The following DOCK10 variants were observed in gnomAD, a reference collection of about 807,000 sequenced individuals.
DOCK10 encodes the protein dedicator of cytokinesis protein 10.
Under a neutral mutation model 280.1 loss-of-function variants are expected in DOCK10, and 145 were observed. The ratio of observed to expected loss-of-function variants is 0.52; its 90% CI spans 0.45 to 0.59. The LOEUF (loss-of-function observed/expected upper bound fraction) is 0.59. Among genes scored for constraint, DOCK10 ranks in the 20% least tolerant of loss-of-function variants. The probability of loss-of-function intolerance (pLI) is 0.00; values close to 1 mark genes in which losing one functional copy is unlikely to be tolerated. For synonymous variants in DOCK10, 915 were observed against 942.2 expected (o/e 0.97, Z 0.53); for missense variants, 2,368 against 2,651.7 (o/e 0.89, Z 2.35).
chr2:224,996,353 C>A (rs1706271643), intron 1 of DOCK10, among the ~76,000 whole-genome samples: 1 of 152,214 alleles, frequency 6.6e-6, no homozygotes, highest in African/African-American at 2.4e-5. Context: ...TGAATTCAAT[C>A]ACAATGGGTT....
At chr2:224,999,936 A>C (rs910876357) in intron 1 of DOCK10, among the ~76,000 whole-genome samples, 2 of 152,190 alleles carry the variant, frequency 1.3e-5, no homozygotes, top group African/African-American at 4.8e-5. Flanking sequence ...TGTGTGGTGC[A>C]ACAGGATCTC....
intron 1 of DOCK10, among the ~76,000 whole-genome samples, chr2:224,997,291 G>A (rs1182864094): frequency 2.7e-5 from 4 of 149,864 alleles, no homozygotes; most frequent in African/African-American, 9.9e-5. Flanking sequence ...GAGTGCAATG[G>A]CATAATCTTT....
At chr2:224,908,712 G>T (rs903936630) in intron 3 of DOCK10, among the ~76,000 whole-genome samples, 2 of 152,066 alleles carry the variant, frequency 1.3e-5, no homozygotes, top group Non-Finnish European at 2.9e-5. Flanking sequence ...GCCCAAGCTG[G>T]TCTTGAACTC....
chr2:224,879,363 A>T (rs919072653), intron 7 of DOCK10, among the ~76,000 whole-genome samples: 54 of 152,232 alleles, frequency 3.5e-4, no homozygotes, highest in African/African-American at 1.3e-3. Flanking sequence ...ACTGATGGAC[A>T]GTCTAAGGGC....
At chr2:224,898,699 C>A (rs1700127640) in intron 3 of DOCK10, among the ~76,000 whole-genome samples, 1 of 152,202 alleles carries the variant, frequency 6.6e-6, no homozygotes, top group Non-Finnish European at 1.5e-5. Context: ...GCCTCCGCCT[C>A]CGGAGTAGCC....
intron 16 of DOCK10, among the ~76,000 whole-genome samples, chr2:224,854,637 T>C (rs1696983444): frequency 6.6e-6 from 1 of 152,160 alleles, no homozygotes. Flanking sequence ...CTCCGGGGTT[T>C]TGAGGATTAA....
At chr2:224,984,430 T>C (rs1705905312) in intron 1 of DOCK10, among the ~76,000 whole-genome samples, 1 of 152,234 alleles carries the variant, frequency 6.6e-6, no homozygotes, top group African/African-American at 2.4e-5. Context: ...TTCTAGCTAT[T>C]ACAGTCCCGC....
chr2:224,857,955 T>G (rs1232749546), intron 14 of DOCK10, among the ~76,000 whole-genome samples: 1 of 152,170 alleles, frequency 6.6e-6, no homozygotes, highest in Non-Finnish European at 1.5e-5. Flanking sequence ...AGAATGATAT[T>G]TTTAGACTCC....
intron 1 of DOCK10, among the ~76,000 whole-genome samples, chr2:224,959,242 G>A (rs964729847): frequency 5.3e-5 from 8 of 152,050 alleles, no homozygotes; most frequent in African/African-American, 1.9e-4. Flanking sequence ...CAGGAAGCCT[G>A]TATTCAACAT....
chr2:224,955,881 T>G (rs1188599843), intron 1 of DOCK10, among the ~76,000 whole-genome samples: 1 of 152,204 alleles, frequency 6.6e-6, no homozygotes, highest in African/African-American at 2.4e-5. Flanking sequence ...ATTGGATACC[T>G]CTCATAAGGG....
At position 224,977,119 on chromosome 2, in the gene DOCK10, G is replaced by T. The variant is rs182571591; in HGVS notation, c.124-45451C>A. ...CAACTCACCGCAAATTTAGGCTATTGTTAATTTCCTGCCTTAGACGAAAAT... is the reference window on the plus strand; with the variant it reads ...CAACTCACCGCAAATTTAGGCTATTTTTAATTTCCTGCCTTAGACGAAAAT... On this transcript the variant is annotated intron_variant, in intron 1 of 55. Coordinates refer to ENST00000258390, the MANE Select transcript of DOCK10 (RefSeq NM_014689.3). Among the ~76,000 whole-genome samples, 593 of 152,266 alleles carry T rather than the reference G, an allele frequency of 3.9e-3. 10 individuals carry two copies. The highest frequency in any genetic ancestry group is 8.4e-4 in the Non-Finnish European group (57 of 68,016).
intron 39 of DOCK10, among the ~76,000 whole-genome samples, chr2:224,803,407 A>G (rs1450091187): frequency 6.6e-6 from 1 of 152,098 alleles, no homozygotes; most frequent in Non-Finnish European, 1.5e-5. Flanking sequence ...AACCCTTTCT[A>G]AAATATTCAT....
In DOCK10 at chr2:225,018,390, C is replaced by G. The variant is rs571211603; in HGVS notation, c.123+23862G>C. ...CGTGCATCGCATCCTAACTATTGCT[C>G]TCTTCCTAGGACAGAACATTCAGTT... On this transcript the variant is annotated intron_variant, in intron 1 of 55. Transcript: ENST00000258390. 6.6e-4 allele frequency among the ~76,000 whole-genome samples: 99 copies of G among 151,086 alleles called. 3 individuals carry two copies. The South Asian group carries it at 0.012, about 18-fold the overall frequency.
intron 33 of DOCK10, 182 bp downstream of exon 33, chr2:224,807,486 G>A: frequency 2.0e-6 from 1 of 495,174 alleles, no homozygotes; most frequent in Non-Finnish European, 3.6e-6. Context: ...GGGTGGATCA[G>A]GTGGAGGCTA....
At chr2:224,876,846 C>A (rs1361757509) in intron 7 of DOCK10, among the ~76,000 whole-genome samples, 1 of 152,126 alleles carries the variant, frequency 6.6e-6, no homozygotes, top group Non-Finnish European at 1.5e-5. Flanking sequence ...CCTGGCTATG[C>A]CTCAGACTCC....
intron 11 of DOCK10, among the ~76,000 whole-genome samples, chr2:224,871,958 A>G (rs1698314938): frequency 6.6e-6 from 1 of 152,202 alleles, no homozygotes; most frequent in Non-Finnish European, 1.5e-5. Flanking sequence ...GACCTTGCTT[A>G]TCTAGTTACT....
rs925507561 is a variant in DOCK10 at position 224,797,968 on chromosome 2, C to G, written c.4508G>C (p.Arg1503Thr). The G allele has an allele frequency of 1.9e-6, 3 of 1,612,650 alleles. No individual in the cohort carries two copies. Among genetic ancestry groups the G allele is most frequent in the East Asian group, 2.2e-5 (1 of 44,848 alleles). ...LLSLFTQTHQ[R>T]QLQQCDCQNS... is the part of the protein sequence containing the mutation. ...TTGACAGTCACATTGTTGGAGTTGT[C>G]TCTGGAAATTCAATGCAGATGTTAT... The change falls in exon 42 of 56, where the codon AGA (arginine) becomes ACA (threonine). Residue 1503 changes from arginine (R) to threonine (T), a missense_variant and splice_region_variant. Arg to Thr is a moderately conservative substitution (Grantham distance 71). This residue lies in a region of DOCK10 where 1,159 missense variants were observed against 1,400.8 expected (regional missense o/e 0.83). Coordinates refer to ENST00000258390, the MANE Select transcript of DOCK10 (RefSeq NM_014689.3).
In DOCK10 at chr2:224,896,345, C is replaced by T. The variant is rs1334243526; in HGVS notation, c.366G>A (p.Val122=). 10 of 1,604,630 alleles carry T rather than the reference C, an allele frequency of 6.2e-6. No individual in the cohort carries two copies. In the African/African-American group the frequency reaches 1.3e-4, roughly 22 times the overall value. The change falls in exon 4 of 56, where the codon GTG becomes GTA. Residue 122 remains valine (V), a synonymous_variant. Transcript: ENST00000258390. ...AATATTGTTCATATTTGTAGTTTAC[C>T]ACATGCCACTGGGAACTATAAAATT... is the stretch of plus-strand genomic sequence containing the variant. ...ACKFYSSQWH[V]VNYKYEQYSG... is the part of the protein sequence containing the mutation.
chr2:224,874,662 T>C lies in DOCK10; in HGVS notation c.1017+4A>G, dbSNP rs1486568782. 1.2e-6 allele frequency: 2 copies of C among 1,613,476 alleles called. No homozygotes were observed. The highest frequency in any genetic ancestry group is 1.3e-5 in the African/African-American group (1 of 74,938). The stretch of plus-strand genomic sequence containing the variant: ...TTTTGCAAGTACAATGCCAACTTTA[T>C]TACCTTTGCAAAGTCTGCGTGTAGG... On this transcript the variant is annotated splice_donor_region_variant and intron_variant, in intron 9 of 55. Coordinates refer to ENST00000258390, the MANE Select transcript of DOCK10 (RefSeq NM_014689.3).
Sources: allele counts gnomAD v4.1 joint callset (sites outside exome capture counted in the v4.1 genomes callset), GRCh38; gene constraint gnomAD v4.1.1; regional missense constraint gnomAD v4.1.1; transcripts MANE v1.5; gene names NCBI Gene and HGNC (gene_info 2026-07-23, HGNC 2026-07-21).